C2: variants seen among roughly 807,000 people sequenced by gnomAD.
The protein encoded by C2 is C3/C5 convertase.
Under a neutral mutation model 85.2 loss-of-function variants are expected in C2, and 64 were observed. That is an observed-to-expected ratio of 0.75 (90% CI 0.61 to 0.92). The LOEUF is 0.92. Among genes scored for constraint, C2 ranks in the 40% least tolerant of loss-of-function variants. The probability of loss-of-function intolerance (pLI) is 0.00; values close to 1 mark genes in which losing one functional copy is unlikely to be tolerated. For synonymous variants in C2, 311 were observed against 370.8 expected, an observed-to-expected ratio of 0.84 and a Z score of 1.85; for missense variants, 820 against 971.6, an observed-to-expected ratio of 0.84 and a Z score of 2.07.
chr6:31,925,112 G>A (rs1294320005), upstream of C2, among the ~76,000 whole-genome samples: 1 of 152,152 alleles, frequency 6.6e-6, no homozygotes, highest in African/African-American at 2.4e-5. Context: ...GACTGCCGCT[G>A]CATGGAAGAT....
At chr6:31,900,238 G>A (rs1287044166), upstream of C2, 19 of 1,613,934 alleles carry the variant, frequency 1.2e-5, no homozygotes, top group Non-Finnish European at 1.5e-5. This position sits in a 1 kb window ranked among gnomAD's most constrained non-coding sequence, Gnocchi z 9.7. Flanking sequence ...TGAAGATGAA[G>A]TGCTGCGCCC....
intron 8 of C2, among the ~76,000 whole-genome samples, chr6:31,938,075 A>G (rs143485369): frequency 2.4e-4 from 36 of 152,262 alleles, no homozygotes; most frequent in African/African-American, 8.7e-4. Flanking sequence ...AATGACAGCA[A>G]TGATGATCAT....
upstream of C2, among the ~76,000 whole-genome samples, chr6:31,916,866 C>CAA (rs1374845519): frequency 8.1e-4 from 11 of 13,542 alleles, no homozygotes; most frequent in African/African-American, 1.3e-3. Flanking sequence ...GACTCCATCT[C>CAA]AACAAAAAAA....
intron 9 of C2, among the ~76,000 whole-genome samples, chr6:31,939,865 G>A (rs1039967753): frequency 2.6e-5 from 4 of 151,938 alleles, no homozygotes; most frequent in African/African-American, 4.8e-5. Flanking sequence ...CAACCTCCAC[G>A]TCCTGGCTTC....
chr6:31,898,766 C>A (rs1766916374), upstream of C2, among the ~76,000 whole-genome samples: 1 of 151,850 alleles, frequency 6.6e-6, no homozygotes. Flanking sequence ...TCATCCCTAG[C>A]ACTGATCCTA....
chr6:31,943,839 C>A lies in C2; in HGVS notation c.1733+30C>A, dbSNP rs1771108122. ...CTGGAGTCTGGGATGGGAGGGTGCC[C>A]TGCAGGGAAGAGTGCTCTGGAGATC... On this transcript the variant is annotated intron_variant, in intron 13 of 17. Coordinates refer to ENST00000299367, the MANE Select transcript of C2 (RefSeq NM_000063.6). The surrounding 1 kb of genome is among the most constrained non-coding windows in gnomAD (Gnocchi z 6.4). 6.2e-7 allele frequency: 1 copy of A among 1,612,718 alleles called. No individual in the cohort carries two copies. Among genetic ancestry groups the A allele is most frequent in the Admixed American group, 1.7e-5 (1 of 60,024 alleles).
intron 8 of C2, among the ~76,000 whole-genome samples, 196 bp from the exon 9 acceptor site, chr6:31,939,035 G>A (rs1770666576): frequency 6.6e-6 from 1 of 152,162 alleles, no homozygotes; most frequent in African/African-American, 2.4e-5. Flanking sequence ...CTGAGCTCAG[G>A]CAATCCGCCT....
At chr6:31,924,498 G>A (rs1191185102), upstream of C2, among the ~76,000 whole-genome samples, 1 of 152,134 alleles carries the variant, frequency 6.6e-6, no homozygotes. Context: ...TTTATACATT[G>A]AGGAGTAAAC....
chr6:31,919,149 T>C (rs1189502750), upstream of C2, among the ~76,000 whole-genome samples: 3 of 151,192 alleles, frequency 2.0e-5, no homozygotes, highest in Non-Finnish European at 3.0e-5. Context: ...CTTTTCTTTT[T>C]TTTTTTTTTC....
At chr6:31,926,740 T>C (rs1236707885), upstream of C2, among the ~76,000 whole-genome samples, 2 of 152,190 alleles carry the variant, frequency 1.3e-5, no homozygotes, top group Non-Finnish European at 1.5e-5. Flanking sequence ...GTTCAATCAG[T>C]TCTCTAAGGA....
chr6:31,912,846 G>GA (rs1178093181), intron 1 of C2, among the ~76,000 whole-genome samples: 14 of 31,638 alleles, frequency 4.4e-4, no homozygotes, highest in Non-Finnish European at 5.2e-4. Flanking sequence ...TCTCAAAAAA[G>GA]AAAAAAAAAA....
At chr6:31,900,551 G>C, upstream of C2, 1 of 1,611,854 alleles carries the variant, frequency 6.2e-7, no homozygotes, top group Non-Finnish European at 8.5e-7. The surrounding 1 kb of genome is among the most constrained non-coding windows in gnomAD (Gnocchi z 9.7). Flanking sequence ...AGTGCTGGGG[G>C]GAACGCTGCT....
intron 1 of C2, among the ~76,000 whole-genome samples, chr6:31,908,735 A>G (rs975713028): frequency 1.3e-5 from 2 of 151,976 alleles, no homozygotes; most frequent in African/African-American, 4.8e-5. Context: ...GCAGCTATCG[A>G]TATCAAGATA....
At chr6:31,903,456 C>A (rs1193868705) in intron 1 of C2, among the ~76,000 whole-genome samples, 1 of 151,948 alleles carries the variant, frequency 6.6e-6, no homozygotes, top group Non-Finnish European at 1.5e-5. Context: ...ATGGTGAAAC[C>A]CTGACTCTAC....
intron 1 of C2, among the ~76,000 whole-genome samples, chr6:31,912,860 A>AAG (rs112027987): frequency 0.84 from 121,707 of 145,280 alleles, 51,533 homozygotes; most frequent in African/African-American, 0.94. Flanking sequence ...AAAAAAAAAA[A>AAG]AGAGATTGGT....
chr6:31,903,339 C>A (rs1412720606), intron 1 of C2, among the ~76,000 whole-genome samples: 1 of 152,150 alleles, frequency 6.6e-6, no homozygotes, highest in Non-Finnish European at 1.5e-5. Context: ...AAATAAAAAT[C>A]ATGCAATAGG....
At position 31,942,955 on chromosome 6, in the gene C2, C is replaced by T. The variant is rs1771000413; in HGVS notation, c.1220-4C>T. On this transcript the variant is annotated splice_polypyrimidine_tract_variant and splice_region_variant and intron_variant, in intron 9 of 17. Coordinates refer to ENST00000299367, the MANE Select transcript of C2 (RefSeq NM_000063.6). The stretch of plus-strand genomic sequence containing the variant: ...AGTCTGGTGATTTCCCTCTTCCCCA[C>T]CAGACATCTATGCCATCGGGGTGGG... 6.2e-7 allele frequency: 1 copy of T among 1,613,020 alleles called. No homozygotes were observed. The highest frequency in any genetic ancestry group is 1.1e-5 in the South Asian group (1 of 91,084).
chr6:31,923,186 G>C (rs766562726), upstream of C2, among the ~76,000 whole-genome samples: 1 of 152,202 alleles, frequency 6.6e-6, no homozygotes, highest in African/African-American at 2.4e-5. Context: ...ATAAAGGTCT[G>C]GCATCTTTAG....
In C2 at chr6:31,943,665, G is replaced by A. The variant is rs555083496; in HGVS notation, c.1589G>A (p.Gly530Asp). Reference sequence around the variant, plus strand: ...CCAGGAGACCCCAAATCCCAGTGGGGCAAAGAATTCCTTATTGAGAAGGCG... The same window carrying A: ...CCAGGAGACCCCAAATCCCAGTGGGACAAAGAATTCCTTATTGAGAAGGCG... ...VNVGDPKSQW[G>D]KEFLIEKAVI... The change falls in exon 13 of 18, where the codon GGC (glycine) becomes GAC (aspartate). Residue 530 changes from glycine to aspartate, a missense_variant. Physicochemically the swap from Gly to Asp is moderately conservative, Grantham distance 94. Transcript: ENST00000299367. The surrounding 1 kb of genome is among the most constrained non-coding windows in gnomAD (Gnocchi z 6.4). The A allele has an allele frequency of 1.2e-6, 2 of 1,613,100 alleles. No homozygotes were observed. The highest frequency in any genetic ancestry group is 2.2e-5 in the South Asian group (2 of 91,088).
Sources: gnomAD v4.1 joint callset for allele counts (sites outside exome capture counted in the v4.1 genomes callset) on GRCh38, gnomAD v4.1.1 for gene constraint, Gnocchi (gnomAD v3.1) non-coding constraint, MANE v1.5 for transcripts, NCBI Gene and HGNC (gene_info 2026-07-23, HGNC 2026-07-21) for gene names.